PPM1L: variants seen among roughly 807,000 people sequenced by gnomAD.
PPM1L encodes the protein protein phosphatase 1L.
PPM1L carries 13 observed loss-of-function variants against 31.4 expected under a neutral mutation model. The ratio of observed to expected loss-of-function variants is 0.41; its 90% confidence interval spans 0.27 to 0.66. The LOEUF is 0.66. PPM1L is among the 30% of genes least tolerant of loss of function. The pLI, the probability that PPM1L is intolerant of heterozygous loss-of-function variation, is 0.29. For synonymous variants in PPM1L, 184 were observed against 175.4 expected, an observed-to-expected ratio of 1.05 and a Z score of -0.39; for missense variants, 326 against 453.7, an observed-to-expected ratio of 0.72 and a Z score of 2.56.
chr3:160,784,699 C>G (rs1711851560), intron 1 of PPM1L, among the ~76,000 whole-genome samples: 1 of 152,160 alleles, frequency 6.6e-6, no homozygotes, highest in African/African-American at 2.4e-5. Context: ...AAAGACAAAC[C>G]CATTTCCTAT....
At chr3:160,887,374 TC>T (rs1365769782) in intron 1 of PPM1L, among the ~76,000 whole-genome samples, 2 of 151,260 alleles carry the variant, frequency 1.3e-5, no homozygotes, top group Non-Finnish European at 2.9e-5. Flanking sequence ...ACTAAGATAC[TC>T]CAGAGAACAC....
chr3:160,780,169 C>G (rs1397235737), intron 1 of PPM1L, among the ~76,000 whole-genome samples: 3 of 152,144 alleles, frequency 2.0e-5, no homozygotes, highest in Non-Finnish European at 2.9e-5. Flanking sequence ...ACCATAGGCA[C>G]ATGCCACCAT....
chr3:161,052,226 CTA>C (rs1280498758), intron 2 of PPM1L, among the ~76,000 whole-genome samples: 2 of 152,226 alleles, frequency 1.3e-5, no homozygotes, highest in Non-Finnish European at 2.9e-5. Context: ...AAAGCAAGTT[CTA>C]TGTCTTCTGT....
chr3:160,978,367 T>C (rs1438409533), intron 2 of PPM1L, among the ~76,000 whole-genome samples: 3 of 152,186 alleles, frequency 2.0e-5, no homozygotes, highest in African/African-American at 7.2e-5. Context: ...AGGCAGCATC[T>C]GAGCAGAACT....
chr3:160,907,742 G>A (rs1713813221), intron 1 of PPM1L, among the ~76,000 whole-genome samples: 1 of 152,184 alleles, frequency 6.6e-6, no homozygotes, highest in Non-Finnish European at 1.5e-5. Context: ...CCCCAAGCAT[G>A]TAAGGGCAAG....
chr3:161,010,492 A>G (rs1717857274), intron 2 of PPM1L, among the ~76,000 whole-genome samples: 2 of 152,212 alleles, frequency 1.3e-5, no homozygotes, highest in Admixed American at 1.3e-4. Context: ...ATACGTGTCC[A>G]TGTGTCTTTA....
rs531562786 is a variant in PPM1L at position 160,944,831 on chromosome 3, CATAT to C, written c.400-16900_400-16897del. 2.6e-3 allele frequency among the ~76,000 whole-genome samples: 53 copies of C among 20,730 alleles called. 10 individuals carry two copies. The highest frequency in any genetic ancestry group is 5.8e-3 in the Admixed American group (9 of 1,544). The allele number at this position is 20,730 out of a possible 152,430, so 13.6% of individuals were successfully genotyped here. On this transcript the variant is annotated intron_variant, in intron 1 of 3. Coordinates refer to ENST00000498165, the MANE Select transcript of PPM1L (RefSeq NM_139245.4). The stretch of plus-strand genomic sequence containing the variant: ...TATAACATATATATGTTATATATAA[CATAT>C]ATATGTTATATATAACATATATTAT...
intron 1 of PPM1L, among the ~76,000 whole-genome samples, chr3:160,926,219 C>T (rs1003367380): frequency 1.3e-5 from 2 of 152,172 alleles, no homozygotes; most frequent in African/African-American, 4.8e-5. Flanking sequence ...TGAAACCTTT[C>T]TTTCTGGAGG....
intron 1 of PPM1L, among the ~76,000 whole-genome samples, chr3:160,928,567 C>T (rs957560106): frequency 1.3e-4 from 20 of 152,188 alleles, no homozygotes; most frequent in Admixed American, 4.6e-4. Flanking sequence ...CAAAGAGTAT[C>T]AGTGCTATGT....
chr3:161,030,683 A>G (rs528549536), intron 2 of PPM1L, among the ~76,000 whole-genome samples: 1 of 152,066 alleles, frequency 6.6e-6, no homozygotes, highest in Non-Finnish European at 1.5e-5. Context: ...CAGGCTCCCA[A>G]TATTTTTGCT....
At chr3:160,848,367 C>G (rs1393623844) in intron 1 of PPM1L, among the ~76,000 whole-genome samples, 1 of 152,202 alleles carries the variant, frequency 6.6e-6, no homozygotes, top group African/African-American at 2.4e-5. Context: ...GGGTCCAAAT[C>G]TAGTGGACTT....
intron 1 of PPM1L, among the ~76,000 whole-genome samples, chr3:160,832,215 A>G (rs1031767300): frequency 2.0e-5 from 3 of 152,134 alleles, no homozygotes; most frequent in Non-Finnish European, 4.4e-5. Context: ...ATACACTGCT[A>G]TGTACAATGG....
intron 1 of PPM1L, among the ~76,000 whole-genome samples, chr3:160,900,389 T>C (rs1258330035): frequency 6.6e-6 from 1 of 152,256 alleles, no homozygotes; most frequent in Middle Eastern, 3.4e-3. Context: ...ATTGATTTTT[T>C]AAAAATGCTT....
At chr3:161,054,746 C>G (rs1217168345) in intron 2 of PPM1L, among the ~76,000 whole-genome samples, 1 of 152,066 alleles carries the variant, frequency 6.6e-6, no homozygotes, top group African/African-American at 2.4e-5. Context: ...ACATCATAGG[C>G]TATTAGGATT....
intron 1 of PPM1L, among the ~76,000 whole-genome samples, chr3:160,775,974 C>T (rs1052056862): frequency 3.3e-5 from 5 of 152,094 alleles, no homozygotes; most frequent in South Asian, 4.1e-4. Context: ...CAAGGAAGAG[C>T]GTCATTAGGT....
intron 1 of PPM1L, among the ~76,000 whole-genome samples, chr3:160,862,747 A>G (rs1216774326): frequency 2.6e-5 from 4 of 151,306 alleles, no homozygotes; most frequent in Non-Finnish European, 5.9e-5. Flanking sequence ...AGTGAGTTTC[A>G]ATTTTCAATG....
chr3:160,815,559 G>T (rs1253161061), intron 1 of PPM1L, among the ~76,000 whole-genome samples: 2 of 152,086 alleles, frequency 1.3e-5, no homozygotes, highest in African/African-American at 2.4e-5. Flanking sequence ...TTTGATTACA[G>T]AATTTTTTTC....
intron 1 of PPM1L, among the ~76,000 whole-genome samples, chr3:160,758,678 T>C (rs371462455): frequency 7.9e-4 from 120 of 152,280 alleles, no homozygotes; most frequent in African/African-American, 2.6e-3. Context: ...GGTTGAAAAA[T>C]TTCTAGTAGT....
At chr3:161,057,262 T>A (rs1335596815) in intron 2 of PPM1L, among the ~76,000 whole-genome samples, 2 of 152,036 alleles carry the variant, frequency 1.3e-5, no homozygotes, top group Non-Finnish European at 2.9e-5. Context: ...TGTCATCCCT[T>A]CCCTCCTCCG....
Sources: gnomAD v4.1 joint callset for allele counts (sites outside exome capture counted in the v4.1 genomes callset) on GRCh38, gnomAD v4.1.1 for gene constraint, MANE v1.5 for transcripts, NCBI Gene and HGNC (gene_info 2026-07-23, HGNC 2026-07-21) for gene names.